ATP6V1H: variants seen among roughly 807,000 people sequenced by gnomAD.
ATP6V1H encodes the protein V-type proton ATPase subunit H.
Under a neutral mutation model 71.7 loss-of-function variants are expected in ATP6V1H, and 39 were observed. That is an observed-to-expected ratio of 0.54 (90% confidence interval 0.42 to 0.71). The LOEUF is 0.71. ATP6V1H is among the 30% of genes least tolerant of loss of function. The pLI, the probability that ATP6V1H is intolerant of heterozygous loss-of-function variation, is 0.00. For missense variants in ATP6V1H, 509 were observed against 594.9 expected, an observed-to-expected ratio of 0.86 and a Z score of 1.50; for synonymous variants, 192 against 199.3, an observed-to-expected ratio of 0.96 and a Z score of 0.31.
At chr8:53,776,059 G>C (rs571150676) in intron 9 of ATP6V1H, among the ~76,000 whole-genome samples, 2 of 152,358 alleles carry the variant, frequency 1.3e-5, no homozygotes, top group South Asian at 4.1e-4. Flanking sequence ...AGGCAGCTAA[G>C]GCCCGGCAAG....
At chr8:53,800,034 A>G (rs992152238) in intron 8 of ATP6V1H, among the ~76,000 whole-genome samples, 7 of 152,228 alleles carry the variant, frequency 4.6e-5, no homozygotes, top group Admixed American at 2.6e-4. Context: ...GGTGTGTTTT[A>G]GGCACAGTGT....
intron 13 of ATP6V1H, among the ~76,000 whole-genome samples, chr8:53,736,137 C>A (rs1308239105): frequency 1.3e-5 from 2 of 152,204 alleles, no homozygotes; most frequent in Non-Finnish European, 2.9e-5. Context: ...TGTACTCAAT[C>A]TTTTTCCCAG....
chr8:53,771,034 C>G (rs1356880080), intron 10 of ATP6V1H, among the ~76,000 whole-genome samples: 3 of 152,230 alleles, frequency 2.0e-5, no homozygotes, highest in African/African-American at 7.2e-5. Flanking sequence ...GGGATTACGG[C>G]TGTACTGAAT....
chr8:53,804,518 T>C (rs1321418321), intron 7 of ATP6V1H, among the ~76,000 whole-genome samples: 2 of 151,952 alleles, frequency 1.3e-5, no homozygotes, highest in East Asian at 1.9e-4. Flanking sequence ...CTACTAAACA[T>C]ACAAAAAATA....
chr8:53,773,235 T>G (rs953770400), intron 9 of ATP6V1H, among the ~76,000 whole-genome samples: 3 of 152,228 alleles, frequency 2.0e-5, no homozygotes, highest in African/African-American at 7.2e-5. Flanking sequence ...CAGAAATTAC[T>G]TGCAATCCTC....
At chr8:53,838,718 C>G (rs1811248471) in intron 2 of ATP6V1H, among the ~76,000 whole-genome samples, 1 of 152,020 alleles carries the variant, frequency 6.6e-6, no homozygotes, top group Non-Finnish European at 1.5e-5. Context: ...TTATGTATGT[C>G]TATTTATTAA....
At chr8:53,833,990 G>C (rs995644164) in intron 2 of ATP6V1H, among the ~76,000 whole-genome samples, 8 of 152,084 alleles carry the variant, frequency 5.3e-5, no homozygotes, top group African/African-American at 1.9e-4. Flanking sequence ...ACTCCTCAGG[G>C]ACTCAATCAT....
At chr8:53,806,398 A>T (rs1810079203) in intron 7 of ATP6V1H, among the ~76,000 whole-genome samples, 1 of 152,118 alleles carries the variant, frequency 6.6e-6, no homozygotes, top group Admixed American at 6.5e-5. Flanking sequence ...ATTAAAAGAG[A>T]TCCTCTAGTC....
chr8:53,800,506 T>C (rs537074605), intron 8 of ATP6V1H, among the ~76,000 whole-genome samples: 1 of 152,326 alleles, frequency 6.6e-6, no homozygotes, highest in African/African-American at 2.4e-5. Flanking sequence ...ATAAGTGAAA[T>C]CTTAAACTGT....
At chr8:53,723,579 T>C (rs944934402) in intron 13 of ATP6V1H, among the ~76,000 whole-genome samples, 1 of 152,220 alleles carries the variant, frequency 6.6e-6, no homozygotes, top group Non-Finnish European at 1.5e-5. Context: ...ACTATGCATG[T>C]CTCCAACTTT....
At chr8:53,804,240 T>C (rs1300145391) in intron 7 of ATP6V1H, among the ~76,000 whole-genome samples, 1 of 152,198 alleles carries the variant, frequency 6.6e-6, no homozygotes, top group Non-Finnish European at 1.5e-5. Context: ...GTGCATTACT[T>C]CCTGGTCTTT....
chr8:53,754,437 C>T (rs899724760), intron 12 of ATP6V1H, among the ~76,000 whole-genome samples: 2 of 152,108 alleles, frequency 1.3e-5, no homozygotes, highest in African/African-American at 4.8e-5. Context: ...CTCCAAGCAC[C>T]AGGATAAGGC....
At chr8:53,789,555 C>A (rs1043006600) in intron 9 of ATP6V1H, among the ~76,000 whole-genome samples, 1 of 151,908 alleles carries the variant, frequency 6.6e-6, no homozygotes, top group African/African-American at 2.4e-5. Context: ...TAAATAATAC[C>A]TTTAAAAGCC....
intron 13 of ATP6V1H, among the ~76,000 whole-genome samples, chr8:53,721,034 A>T (rs1806592675): frequency 6.6e-6 from 1 of 152,244 alleles, no homozygotes; most frequent in African/African-American, 2.4e-5. Flanking sequence ...GTATAATGTA[A>T]ATCATTAACA....
intron 4 of ATP6V1H, among the ~76,000 whole-genome samples, chr8:53,822,614 T>C (rs1449624552): frequency 6.6e-6 from 1 of 152,084 alleles, no homozygotes; most frequent in East Asian, 1.9e-4. Context: ...AAAATAGTAA[T>C]GCACACAGTA....
chr8:53,841,578 T>C lies in ATP6V1H; in HGVS notation c.113A>G (p.Gln38Arg). ...TGATTCACAGCAAATTGGTACTTAC[T>C]GAAGATAGGATTGCCAGTTGACTTT... ...ANKVNWQSYLQGQMISAEDCE... is the reference protein window; with the variant it reads ...ANKVNWQSYLRGQMISAEDCE... The change falls in exon 2 of 14, where the codon CAG (glutamine) becomes CGG (arginine). Residue 38 changes from glutamine (Q) to arginine (R), a missense_variant and splice_region_variant. Coordinates refer to ENST00000359530, the MANE Select transcript of ATP6V1H (RefSeq NM_015941.4). The C allele has an allele frequency of 6.2e-7, 1 of 1,614,058 alleles. No individual in the cohort carries two copies. Among genetic ancestry groups the C allele is most frequent in the Non-Finnish European group, 8.5e-7 (1 of 1,179,924 alleles).
At chr8:53,748,190 C>T (rs1807673797) in intron 12 of ATP6V1H, among the ~76,000 whole-genome samples, 1 of 151,856 alleles carries the variant, frequency 6.6e-6, no homozygotes, top group East Asian at 1.9e-4. Context: ...GGAGAGACAG[C>T]AAAGGTTTCA....
chr8:53,787,426 T>C (rs944252011), intron 9 of ATP6V1H, among the ~76,000 whole-genome samples: 1 of 152,224 alleles, frequency 6.6e-6, no homozygotes, highest in African/African-American at 2.4e-5. Context: ...ACTGCCTGCA[T>C]GGAAAAATGC....
intron 13 of ATP6V1H, among the ~76,000 whole-genome samples, chr8:53,728,843 T>A (rs1806912448): frequency 6.6e-6 from 1 of 152,224 alleles, no homozygotes; most frequent in Non-Finnish European, 1.5e-5. Context: ...CCCCAACGGA[T>A]GCAGAGCTCG....
Sources: gnomAD v4.1 joint callset for allele counts (sites outside exome capture counted in the v4.1 genomes callset) on GRCh38, gnomAD v4.1.1 for gene constraint, MANE v1.5 for transcripts, NCBI Gene and HGNC (gene_info 2026-07-23, HGNC 2026-07-21) for gene names.